Variants in VAV2 observed in about 807,000 individuals in gnomAD.
The protein encoded by VAV2 is guanine nucleotide exchange factor VAV2.
In VAV2, 67 loss-of-function variants were observed where a neutral mutation model predicts 132.5. The ratio of observed to expected loss-of-function variants is 0.51; its 90% CI spans 0.42 to 0.62. The LOEUF is 0.62. Ranked by LOEUF, VAV2 falls within the 20% of genes least tolerant of loss-of-function variation. The pLI is 0.00. For synonymous variants in VAV2, 492 were observed against 443.5 expected (o/e 1.11, Z -1.37); for missense variants, 938 against 1,153.6 (o/e 0.81, Z 2.71).
At chr9:133,943,271 T>C (rs998115769) in intron 1 of VAV2, among the ~76,000 whole-genome samples, 2 of 152,136 alleles carry the variant, frequency 1.3e-5, no homozygotes, top group African/African-American at 4.8e-5. Context: ...ACCCTGACGG[T>C]TGGCAGGGAC....
At chr9:133,956,849 C>CA (rs1334980273) in intron 1 of VAV2, among the ~76,000 whole-genome samples, 1 of 152,228 alleles carries the variant, frequency 6.6e-6, no homozygotes, top group African/African-American at 2.4e-5. Context: ...GGGCCTGGGA[C>CA]AGAGCCCTCT....
At chr9:133,797,585 A>G in intron 10 of VAV2, 125 bp downstream of exon 10, 1 of 822,702 alleles carries the variant, frequency 1.2e-6, no homozygotes, top group Non-Finnish European at 1.9e-6. Flanking sequence ...AAAAACCATT[A>G]CGTCATCACC....
intron 2 of VAV2, among the ~76,000 whole-genome samples, chr9:133,897,871 TC>T (rs1241971389): frequency 1.3e-5 from 2 of 151,956 alleles, no homozygotes; most frequent in African/African-American, 4.8e-5. Flanking sequence ...CCAGAATGTC[TC>T]CCTGCCAGGG....
chr9:133,867,661 A>G (rs1837861933), intron 2 of VAV2, among the ~76,000 whole-genome samples: 1 of 152,256 alleles, frequency 6.6e-6, no homozygotes, highest in Admixed American at 6.5e-5. Context: ...GTGCCCCGCA[A>G]GCCCTGTGCA....
Position 133,912,225 on chromosome 9 carries a change from G to C in VAV2, c.321+26878C>G, listed in dbSNP as rs887078719. Reference sequence around the variant, plus strand: ...ACGTGGGAGAAGGGCTGACAACCAGGAGTGTTTTAGTACAAAACAGACAAA... The same window carrying C: ...ACGTGGGAGAAGGGCTGACAACCAGCAGTGTTTTAGTACAAAACAGACAAA... On this transcript the variant is annotated intron_variant, in intron 2 of 29. Transcript: ENST00000371850. This position sits in a 1 kb window ranked among gnomAD's most constrained non-coding sequence, Gnocchi z 4.3. 1.3e-5 allele frequency among the ~76,000 whole-genome samples: 2 copies of C among 152,194 alleles called. No individual in the cohort carries two copies. The highest frequency in any genetic ancestry group is 4.8e-5 in the African/African-American group (2 of 41,452).
intron 21 of VAV2, among the ~76,000 whole-genome samples, chr9:133,779,157 C>T (rs983122794): frequency 6.6e-6 from 1 of 152,274 alleles, no homozygotes; most frequent in African/African-American, 2.4e-5. Flanking sequence ...TCCAAACACC[C>T]TTCAGATCTG....
intron 3 of VAV2, among the ~76,000 whole-genome samples, chr9:133,847,170 C>A (rs146594513): frequency 6.6e-6 from 1 of 152,332 alleles, no homozygotes; most frequent in South Asian, 2.1e-4. Context: ...CCATCCAAAC[C>A]CTCCCTGCTC....
intron 1 of VAV2, among the ~76,000 whole-genome samples, chr9:133,974,409 G>A (rs978578776): frequency 9.2e-5 from 14 of 152,264 alleles, no homozygotes; most frequent in African/African-American, 3.1e-4. Context: ...GGGAGTGGAC[G>A]TCAGGTGAGG....
rs116554051 is a variant in VAV2, at chr9:133,937,165, G to A, written c.321+1938C>T. 7.8e-3 allele frequency among the ~76,000 whole-genome samples: 1,189 copies of A among 152,272 alleles called. 9 individuals carry two copies. Among genetic ancestry groups the A allele is most frequent in the African/African-American group, 0.026 (1,099 of 41,536 alleles). On this transcript the variant is annotated intron_variant, in intron 2 of 29. Coordinates refer to ENST00000371850, the MANE Select transcript of VAV2 (RefSeq NM_001134398.2). Reference sequence around the variant, plus strand: ...CTCTTTACAGTTATCATAAATACCAGTTGAGTGTCTAAGTATGTGTGTACA... The same window carrying A: ...CTCTTTACAGTTATCATAAATACCAATTGAGTGTCTAAGTATGTGTGTACA...
intron 9 of VAV2, among the ~76,000 whole-genome samples, chr9:133,803,472 C>T (rs1415460377): frequency 1.3e-5 from 2 of 152,080 alleles, no homozygotes; most frequent in Admixed American, 1.3e-4. Context: ...CCAGACCCAG[C>T]CACAGAGAAA....
chr9:133,818,472 G>A (rs1445007516), intron 4 of VAV2, among the ~76,000 whole-genome samples: 6 of 151,930 alleles, frequency 3.9e-5, no homozygotes, highest in African/African-American at 1.5e-4. Context: ...CAGATCTTCA[G>A]ACTCCAGAAC....
chr9:133,849,072 G>A (rs981959735), intron 3 of VAV2, among the ~76,000 whole-genome samples: 1 of 152,232 alleles, frequency 6.6e-6, no homozygotes, highest in African/African-American at 2.4e-5. Context: ...GACAGTTGCT[G>A]AAGAGGCGGC....
At chr9:133,814,757 C>T (rs1010843201) in intron 4 of VAV2, among the ~76,000 whole-genome samples, 1 of 152,156 alleles carries the variant, frequency 6.6e-6, no homozygotes, top group African/African-American at 2.4e-5. Flanking sequence ...GCCCCCATGC[C>T]GCCCCCATCA....
At position 133,938,296 on chromosome 9, in the gene VAV2, C is replaced by T. The variant is rs1265764256; in HGVS notation, c.321+807G>A. ...CCTCCTCGGCCACCGTCAGCACCTC[C>T]GGCGTCCAGCCCCGAATCCATCAGG... On this transcript the variant is annotated intron_variant, in intron 2 of 29. Transcript: ENST00000371850. 3.3e-5 allele frequency among the ~76,000 whole-genome samples: 5 copies of T among 152,344 alleles called. No individual in the cohort carries two copies. The East Asian group carries it at 5.8e-4, about 18-fold the overall frequency.
chr9:133,795,631 A>C, intron 12 of VAV2, 37 bp downstream of exon 12: 1 of 1,611,058 alleles, frequency 6.2e-7, no homozygotes, highest in South Asian at 1.1e-5. Flanking sequence ...GCTAAGCCAG[A>C]CGGTGGCTTC....
rs561525301 is a variant in VAV2 at position 133,941,845 on chromosome 9, C to G, written c.205-2626G>C. Among the ~76,000 whole-genome samples, 3 of 152,296 alleles carry G rather than the reference C, an allele frequency of 2.0e-5. No individual in the cohort carries two copies. In the South Asian group the frequency reaches 6.2e-4, roughly 32 times the overall value. ...TCTCCAACTCTTGACCTCAGGTGAT[C>G]TGCCTGCCTCAGCCTCCCAAAGTGC... On this transcript the variant is annotated intron_variant, in intron 1 of 29. Coordinates refer to ENST00000371850, the MANE Select transcript of VAV2 (RefSeq NM_001134398.2).
At chr9:133,892,100 T>A (rs1288618164) in intron 2 of VAV2, among the ~76,000 whole-genome samples, 1 of 86,470 alleles carries the variant, frequency 1.2e-5, no homozygotes, top group Non-Finnish European at 2.3e-5. Flanking sequence ...AGGAGAGGGA[T>A]GGGGGCATTG....
At chr9:133,784,468 C>A (rs1834140426) in intron 17 of VAV2, 50 bp from the exon 18 acceptor site, 2 of 1,600,670 alleles carry the variant, frequency 1.2e-6, no homozygotes, top group African/African-American at 2.7e-5. Flanking sequence ...ATTCCCCGAG[C>A]CCCACCATGT....
In VAV2 at chr9:133,991,629, G is replaced by A. The variant is rs1044517274; in HGVS notation, c.204+446C>T. Among the ~76,000 whole-genome samples, 3 of 151,386 alleles carry A rather than the reference G, an allele frequency of 2.0e-5. No individual in the cohort carries two copies. Among genetic ancestry groups the A allele is most frequent in the Non-Finnish European group, 3.0e-5 (2 of 67,796 alleles). On this transcript the variant is annotated intron_variant, in intron 1 of 29. Transcript: ENST00000371850. This position sits in a 1 kb window ranked among gnomAD's most constrained non-coding sequence, Gnocchi z 4.8. ...CTCCCGGGCCCTCCAGCCGCGCCCC[G>A]GGCCGGCGCAGCGACCGCGCCCGCT...
Sources: gnomAD v4.1 joint callset for allele counts (sites outside exome capture counted in the v4.1 genomes callset) on GRCh38, gnomAD v4.1.1 for gene constraint, Gnocchi (gnomAD v3.1) non-coding constraint, MANE v1.5 for transcripts, NCBI Gene and HGNC (gene_info 2026-07-23, HGNC 2026-07-21) for gene names.